The following MGME1 variants were observed in gnomAD, a reference collection of about 807,000 sequenced individuals.
MGME1 encodes chromosome 20 open reading frame 72.
A neutral mutation model predicts 33.0 loss-of-function variants in MGME1; 22 were observed. That is an observed-to-expected ratio of 0.67 (90% CI 0.48 to 0.95). The LOEUF is 0.95. Among genes scored for constraint, MGME1 ranks in the 40% least tolerant of loss-of-function variants. The pLI, the probability that MGME1 is intolerant of heterozygous loss-of-function variation, is 0.00. For missense variants in MGME1, 383 were observed against 397.8 expected (o/e 0.96, Z 0.32); for synonymous variants, 133 against 144.0 (o/e 0.92, Z 0.55).
chr20:17,983,268 TGTG>T (rs1455596221), intron 3 of MGME1, among the ~76,000 whole-genome samples: 3 of 17,338 alleles, frequency 1.7e-4, no homozygotes, highest in African/African-American at 3.4e-4. Context: ...AGTGTTCTAT[TGTG>T]TGTGTGTGTG....
intron 2 of MGME1, among the ~76,000 whole-genome samples, chr20:17,973,106 A>T (rs1398079136): frequency 6.6e-6 from 1 of 152,064 alleles, no homozygotes; most frequent in Non-Finnish European, 1.5e-5. Context: ...GCACTTTGGG[A>T]GGCCGAAGCA....
chr20:17,972,628 T>G, intron 2 of MGME1: 1 of 975,260 alleles, frequency 1.0e-6, no homozygotes, highest in Non-Finnish European at 1.2e-6. Context: ...GTGAATATTC[T>G]TGGATCATTT....
Position 17,990,410 on chromosome 20 carries a change from T to TGTGGG in MGME1, c.*302_*303insTGGGG. 2.2e-5 allele frequency: 1 copy of TGTGGG among 44,516 alleles called. No homozygotes were observed. Among genetic ancestry groups the TGTGGG allele is most frequent in the Non-Finnish European group, 4.2e-5 (1 of 23,804 alleles). The allele number at this position is 44,516 out of a possible 1,614,324, so 2.8% of individuals were successfully genotyped here. A position where few individuals can be genotyped will look rare whatever the true frequency, so the allele number is the denominator to read the frequency against. On this transcript the variant is annotated 3_prime_UTR_variant, in exon 5 of 5. Transcript: ENST00000377710. The stretch of plus-strand genomic sequence containing the variant: ...ACTCTTGTACTCCCTTGAGGGACAT[T>TGTGGG]GGGGGGGGGGGGGCGTGGTCCCAGG...
intron 3 of MGME1, among the ~76,000 whole-genome samples, chr20:17,978,375 TTG>T (rs1369873880): frequency 3.9e-5 from 6 of 152,076 alleles, no homozygotes; most frequent in Non-Finnish European, 7.4e-5. Flanking sequence ...CGGCTAATTT[TTG>T]TGTTATTAGT....
At chr20:17,987,624 T>G (rs2036186750) in intron 3 of MGME1, among the ~76,000 whole-genome samples, 1 of 152,238 alleles carries the variant, frequency 6.6e-6, no homozygotes, top group South Asian at 2.1e-4. Flanking sequence ...TTTACTTCTT[T>G]TAGCCAGTGC....
At chr20:17,985,171 C>T (rs62209763) in intron 3 of MGME1, among the ~76,000 whole-genome samples, 13,018 of 152,210 alleles carry the variant, frequency 0.086, 756 homozygotes, top group Middle Eastern at 0.18. Flanking sequence ...TGCCTGTAAT[C>T]CCAGCACTTT....
At position 17,972,107 on chromosome 20, in the gene MGME1, G is replaced by C. The variant is rs369031037; in HGVS notation, c.511+1737G>C. ...TGAAATAAATAAAGGGACAATTAGT[G>C]TCATGGTGAATAAAAGAAAAAGGGC... On this transcript the variant is annotated intron_variant, in intron 2 of 4. Coordinates refer to ENST00000377710, the MANE Select transcript of MGME1 (RefSeq NM_052865.4). Among the ~76,000 whole-genome samples, 21 of 152,252 alleles carry C rather than the reference G, an allele frequency of 1.4e-4. No individual in the cohort carries two copies. In the East Asian group the frequency reaches 2.7e-3, roughly 20 times the overall value.
intron 3 of MGME1, among the ~76,000 whole-genome samples, chr20:17,980,936 T>C (rs530980691): frequency 2.3e-4 from 35 of 152,242 alleles, no homozygotes; most frequent in African/African-American, 8.2e-4. Flanking sequence ...TTTTTTTCCT[T>C]ATCCCTGTGA....
chr20:17,982,843 A>G (rs906471785), intron 3 of MGME1, among the ~76,000 whole-genome samples: 2 of 152,220 alleles, frequency 1.3e-5, no homozygotes, highest in Non-Finnish European at 2.9e-5. Flanking sequence ...TGTATACCTA[A>G]TGGAAAGATT....
intron 4 of MGME1, among the ~76,000 whole-genome samples, chr20:17,989,280 G>T (rs1413961369): frequency 2.0e-5 from 3 of 151,780 alleles, no homozygotes; most frequent in Non-Finnish European, 4.4e-5. Context: ...CACCTACTTG[G>T]GAGGCTGAGG....
intron 3 of MGME1, among the ~76,000 whole-genome samples, chr20:17,979,539 A>T (rs1238198724): frequency 2.0e-5 from 3 of 150,556 alleles, no homozygotes; most frequent in African/African-American, 4.9e-5. Context: ...CCTCCCCAGC[A>T]GCTGGGACTA....
chr20:17,976,234 C>T (rs375433255), intron 3 of MGME1, among the ~76,000 whole-genome samples: 27 of 151,844 alleles, frequency 1.8e-4, no homozygotes, highest in African/African-American at 6.3e-4. Flanking sequence ...AGCGGTTCTC[C>T]TGCCTCAGCC....
Position 17,969,806 on chromosome 20 carries a change from CA to C in MGME1, c.-51del. The C allele has an allele frequency of 6.6e-7, 1 of 1,517,088 alleles. No homozygotes were observed. Among genetic ancestry groups the C allele is most frequent in the Non-Finnish European group, 8.8e-7 (1 of 1,133,940 alleles). The allele number at this position is 1,517,088 out of a possible 1,614,324, so 94.0% of individuals were successfully genotyped here. A position where few individuals can be genotyped will look rare whatever the true frequency, so the allele number is the denominator to read the frequency against. On this transcript the variant is annotated 5_prime_UTR_variant, in exon 2 of 5. Transcript: ENST00000377710. ...GGTTGTTTTCTCTCCAATAGGAATA[CA>C]AACATAAAGGCCTTCGACCGTTGCA...
intron 3 of MGME1, among the ~76,000 whole-genome samples, chr20:17,978,308 G>A (rs1017324510): frequency 5.3e-5 from 8 of 151,896 alleles, no homozygotes; most frequent in African/African-American, 1.5e-4. Context: ...GGGTTCAAGC[G>A]ATTCTCCTGC....
At chr20:17,981,484 G>A (rs2036016820) in intron 3 of MGME1, among the ~76,000 whole-genome samples, 1 of 152,184 alleles carries the variant, frequency 6.6e-6, no homozygotes, top group South Asian at 2.1e-4. Context: ...TTCAGTAGAT[G>A]TTACATTATT....
At position 17,988,152 on chromosome 20, in the gene MGME1, T is replaced by C. The variant is rs566461651; in HGVS notation, c.732-14T>C. The C allele has an allele frequency of 6.2e-7, 1 of 1,605,040 alleles. No homozygotes were observed. Among genetic ancestry groups the C allele is most frequent in the South Asian group, 1.1e-5 (1 of 89,374 alleles). ...ATCTATTACCTACAAAGTCTTCCTGTGGTTTCTCTTTAGGGGCAAGCTCTG... is the reference window on the plus strand; with the variant it reads ...ATCTATTACCTACAAAGTCTTCCTGCGGTTTCTCTTTAGGGGCAAGCTCTG... On this transcript the variant is annotated splice_polypyrimidine_tract_variant and intron_variant, in intron 3 of 4. Transcript: ENST00000377710.
At chr20:17,986,456 A>G (rs982623536) in intron 3 of MGME1, among the ~76,000 whole-genome samples, 1 of 150,502 alleles carries the variant, frequency 6.6e-6, no homozygotes, top group African/African-American at 2.4e-5. Context: ...GCTCACTGCA[A>G]ACTCCACCTC....
chr20:17,972,300 G>T (rs2035751602), intron 2 of MGME1, among the ~76,000 whole-genome samples: 1 of 152,102 alleles, frequency 6.6e-6, no homozygotes. Flanking sequence ...AATGTGTCTG[G>T]CATTCTTCCA....
intron 3 of MGME1, among the ~76,000 whole-genome samples, chr20:17,978,707 T>C (rs558003271): frequency 2.0e-5 from 3 of 152,254 alleles, no homozygotes; most frequent in East Asian, 3.9e-4. Flanking sequence ...TGTTGTTTGT[T>C]TTTTGCTTTT....
Sources: gnomAD v4.1 joint callset for allele counts (sites outside exome capture counted in the v4.1 genomes callset) on GRCh38, gnomAD v4.1.1 for gene constraint, MANE v1.5 for transcripts, NCBI Gene and HGNC (gene_info 2026-07-23, HGNC 2026-07-21) for gene names.